The following TMCC2 variants were observed in gnomAD, a reference collection of about 807,000 sequenced individuals.
The protein encoded by TMCC2 is transmembrane and coiled-coil domains protein 2.
In TMCC2, 16 loss-of-function variants were observed where a neutral mutation model predicts 49.4. That is an observed-to-expected ratio of 0.32 (90% confidence interval 0.22 to 0.49). The LOEUF (loss-of-function observed/expected upper bound fraction) is 0.49, where lower values mean the gene tolerates loss of function less well. TMCC2 is among the 20% of genes least tolerant of loss of function. The pLI is 0.99. For missense variants in TMCC2, 762 were observed against 989.8 expected (o/e 0.77, Z 3.09); for synonymous variants, 397 against 434.1 (o/e 0.91, Z 1.06).
rs1198353896 is a variant in TMCC2 at position 205,227,967 on chromosome 1, G to T, written c.-598G>T. Among the ~76,000 whole-genome samples the T allele has an allele frequency of 1.3e-5, 2 of 150,712 alleles. No homozygotes were observed. The highest frequency in any genetic ancestry group is 3.0e-5 in the Non-Finnish European group (2 of 67,526). On this transcript the variant is annotated 5_prime_UTR_variant, in exon 1 of 5. Transcript: ENST00000358024. ...GGTTGCGCGCTCGCCGCGGGCTCGG[G>T]CCGCGGTCGCGGCTTTGCGGCAGGC...
intron 2 of TMCC2, among the ~76,000 whole-genome samples, chr1:205,250,263 G>A (rs559038026): frequency 3.3e-5 from 5 of 152,230 alleles, no homozygotes; most frequent in East Asian, 1.9e-4. Context: ...AATATCGGCC[G>A]GGCACGGTGG....
intron 2 of TMCC2, chr1:205,246,482 T>TA: frequency 6.9e-7 from 1 of 1,439,816 alleles, no homozygotes; most frequent in Non-Finnish European, 9.1e-7. Context: ...AGATAGTATT[T>TA]AAAATGATGG....
intron 2 of TMCC2, among the ~76,000 whole-genome samples, chr1:205,246,202 G>T (rs1215415191): frequency 6.6e-6 from 1 of 150,834 alleles, no homozygotes; most frequent in Non-Finnish European, 1.5e-5. Flanking sequence ...GTCAAATGTG[G>T]TTCACAGATT....
chr1:205,259,754 G>A (rs1661029001), intron 2 of TMCC2, among the ~76,000 whole-genome samples: 1 of 152,228 alleles, frequency 6.6e-6, no homozygotes, highest in African/African-American at 2.4e-5. Flanking sequence ...CCCTGATCCG[G>A]CAGCTCCTTA....
At chr1:205,230,868 CA>C (rs921457082) in intron 1 of TMCC2, among the ~76,000 whole-genome samples, 15 of 151,558 alleles carry the variant, frequency 9.9e-5, no homozygotes, top group African/African-American at 3.6e-4. Context: ...TCATTCTGGT[CA>C]GGGGCAGATG....
chr1:205,272,235 C>G lies in TMCC2; in HGVS notation c.*111C>G. The G allele has an allele frequency of 6.8e-7, 1 of 1,479,358 alleles. No homozygotes were observed. Among genetic ancestry groups the G allele is most frequent in the Non-Finnish European group, 9.0e-7 (1 of 1,115,378 alleles). The allele number at this position is 1,479,358 out of a possible 1,614,324, so 91.6% of individuals were successfully genotyped here. A position where few individuals can be genotyped will look rare whatever the true frequency, so the allele number is the denominator to read the frequency against. The stretch of plus-strand genomic sequence containing the variant: ...CAGTTTGGCCTCCTGCCCAAACTGT[C>G]CATTCCAGCAGCTCCTGCCCCCTTC... On this transcript the variant is annotated 3_prime_UTR_variant, in exon 5 of 5. Coordinates refer to ENST00000358024, the MANE Select transcript of TMCC2 (RefSeq NM_014858.4).
intron 3 of TMCC2, 35 bp downstream of exon 3, chr1:205,269,919 C>A: frequency 1.3e-6 from 2 of 1,583,646 alleles, no homozygotes; most frequent in South Asian, 1.1e-5. Flanking sequence ...GCAGCCCAGC[C>A]GGACGTGGGA....
intron 1 of TMCC2, chr1:205,229,581 A>G (rs181715754): frequency 0.016 from 12,644 of 771,892 alleles, 188 homozygotes; most frequent in East Asian, 0.056. Context: ...CGGGGGGGGA[A>G]GGTGGATTTC....
At chr1:205,243,570 G>A (rs533259605) in intron 2 of TMCC2, among the ~76,000 whole-genome samples, 2 of 152,318 alleles carry the variant, frequency 1.3e-5, no homozygotes, top group African/African-American at 4.8e-5. Context: ...GTGAATAGGA[G>A]GCAAAGGAAA....
chr1:205,260,786 C>A (rs1195104825), intron 2 of TMCC2, among the ~76,000 whole-genome samples: 1 of 145,074 alleles, frequency 6.9e-6, no homozygotes, highest in Non-Finnish European at 1.5e-5. Context: ...CATTATGTGG[C>A]CTTTCTTGTC....
intron 1 of TMCC2, chr1:205,230,150 G>A (rs1659734123): frequency 1.0e-6 from 1 of 985,446 alleles, no homozygotes; most frequent in South Asian, 4.7e-5. Flanking sequence ...GCAGCTCAGA[G>A]TCAGGAAGTC....
rs1574875913 is a variant in TMCC2, at chr1:205,272,093, A to T, written c.2099A>T (p.Tyr700Phe). 3 of 1,613,008 alleles carry T rather than the reference A, an allele frequency of 1.9e-6. No individual in the cohort carries two copies. Among genetic ancestry groups the T allele is most frequent in the Admixed American group, 1.7e-5 (1 of 59,964 alleles). The change falls in exon 5 of 5, where the codon TAC becomes TTC. Residue 700 changes from tyrosine to phenylalanine, a missense_variant. Tyr to Phe is a conservative substitution (Grantham distance 22, BLOSUM62 3). This residue lies in a region of TMCC2 where 440 missense variants were observed against 636.7 expected (regional missense o/e 0.69). Transcript: ENST00000358024. ...TGGAAGCACTGGGACTCCCTCACCTACCTCCTGGAGCACGTGTTGCTGCCC... is the reference window on the plus strand; with the variant it reads ...TGGAAGCACTGGGACTCCCTCACCTTCCTCCTGGAGCACGTGTTGCTGCCC... ...LLWKHWDSLT[Y>F]LLEHVLLPS
intron 1 of TMCC2, chr1:205,229,170 TGTGTG>T: frequency 1.2e-6 from 1 of 821,934 alleles, no homozygotes; most frequent in Non-Finnish European, 1.5e-6. Context: ...TGTGTGTGTG[TGTGTG>T]TGTGTGTGTG....
chr1:205,261,692 T>A (rs917179711), intron 2 of TMCC2, among the ~76,000 whole-genome samples: 5 of 146,522 alleles, frequency 3.4e-5, no homozygotes, highest in Non-Finnish European at 7.7e-5. Flanking sequence ...AAAAAAAAAA[T>A]TATTATAGTC....
In TMCC2 at chr1:205,230,475, C is replaced by A. The variant is rs529506532; in HGVS notation, c.207+1704C>A. Among the ~76,000 whole-genome samples the A allele has an allele frequency of 7.9e-5, 12 of 152,066 alleles. No individual in the cohort carries two copies. The East Asian group carries it at 1.7e-3, about 22-fold the overall frequency. ...TCCCATGTGGTCAGGAGGTGTAGTT[C>A]CTGTTTTAAGTGAGATGGTGAGGGG... On this transcript the variant is annotated intron_variant, in intron 1 of 4. Coordinates refer to ENST00000358024, the MANE Select transcript of TMCC2 (RefSeq NM_014858.4).
intron 1 of TMCC2, chr1:205,230,279 T>A: frequency 1.5e-6 from 1 of 678,052 alleles, no homozygotes; most frequent in Non-Finnish European, 1.8e-6. Flanking sequence ...AACTTTGCAG[T>A]AATTATTCAA....
At chr1:205,265,526 G>T (rs1333682675) in intron 2 of TMCC2, among the ~76,000 whole-genome samples, 1 of 151,844 alleles carries the variant, frequency 6.6e-6, no homozygotes, top group Non-Finnish European at 1.5e-5. Flanking sequence ...TGAGCAAATG[G>T]CAGTGATGCA....
rs1177667646 is a variant in TMCC2, at chr1:205,231,003, C to T, written c.207+2232C>T. The stretch of plus-strand genomic sequence containing the variant: ...CATCCACCCCATCCCCCCATCCCCC[C>T]CCCCGCCCCCAGAGAAAACATACCA... On this transcript the variant is annotated intron_variant, in intron 1 of 4. Coordinates refer to ENST00000358024, the MANE Select transcript of TMCC2 (RefSeq NM_014858.4). Among the ~76,000 whole-genome samples the T allele has an allele frequency of 7.0e-5, 9 of 129,124 alleles. No homozygotes were observed. The East Asian group carries it at 2.5e-3, about 35-fold the overall frequency. 84.7% of individuals were successfully genotyped at this position (129,124 alleles called of 152,430 possible).
chr1:205,235,191 C>G lies in TMCC2; in HGVS notation c.208-6314C>G, dbSNP rs112351855. Among the ~76,000 whole-genome samples, 85 of 152,248 alleles carry G rather than the reference C, an allele frequency of 5.6e-4. 1 individual carries two copies. In the Middle Eastern group the frequency reaches 0.01, roughly 18 times the overall value. ...GGAAGGCCCAGGATTGCCTCCCCCC[C>G]ACCCCCTCCAGCCTAGGTAATATTC... On this transcript the variant is annotated intron_variant, in intron 1 of 4. Coordinates refer to ENST00000358024, the MANE Select transcript of TMCC2 (RefSeq NM_014858.4).
Sources: allele counts gnomAD v4.1 joint callset (sites outside exome capture counted in the v4.1 genomes callset), GRCh38; gene constraint gnomAD v4.1.1; regional missense constraint gnomAD v4.1.1; transcripts MANE v1.5; gene names NCBI Gene and HGNC (gene_info 2026-07-23, HGNC 2026-07-21).